The following GALNT13 variants were observed in gnomAD, a reference collection of about 807,000 sequenced individuals.
GALNT13 encodes UDP-GalNAc:polypeptide N-acetylgalactosaminyltransferase 13.
GALNT13 carries 28 observed loss-of-function variants against 64.2 expected under a neutral mutation model. The ratio of observed to expected loss-of-function variants is 0.44; its 90% CI spans 0.32 to 0.60. The LOEUF (loss-of-function observed/expected upper bound fraction) is 0.60. Among genes scored for constraint, GALNT13 ranks in the 20% least tolerant of loss-of-function variants. GALNT13 has a pLI of 0.05. For synonymous variants in GALNT13, 214 were observed against 224.6 expected (o/e 0.95, Z 0.42); for missense variants, 577 against 669.8 (o/e 0.86, Z 1.53).
At chr2:154,373,402 ACTGT>A (rs1488833003) in intron 9 of GALNT13, among the ~76,000 whole-genome samples, 6 of 152,180 alleles carry the variant, frequency 3.9e-5, no homozygotes, top group Non-Finnish European at 8.8e-5. Context: ...TTTGATTCTG[ACTGT>A]CCATGTCTTG....
At chr2:153,882,116 G>A (rs1189761411) in intron 1 of GALNT13, among the ~76,000 whole-genome samples, 1 of 150,710 alleles carries the variant, frequency 6.6e-6, no homozygotes, top group Admixed American at 6.7e-5. Context: ...GGGATTAAAA[G>A]TTATAAAACT....
chr2:153,082,919 C>T, the GALNT13 span, among the ~76,000 whole-genome samples: 4 of 151,480 alleles, frequency 2.6e-5, no homozygotes, highest in Non-Finnish European at 4.4e-5. Flanking sequence ...ACCTCCGCCT[C>T]GCAGGTTCAA....
At chr2:153,203,390 T>C in the GALNT13 span, among the ~76,000 whole-genome samples, 1 of 152,116 alleles carries the variant, frequency 6.6e-6, no homozygotes, top group African/African-American at 2.4e-5. Flanking sequence ...ATATAAAAAA[T>C]TGGCAGGCAA....
chr2:154,202,863 A>C (rs193183086), intron 4 of GALNT13, among the ~76,000 whole-genome samples: 41 of 152,256 alleles, frequency 2.7e-4, no homozygotes, highest in Middle Eastern at 3.4e-3. Context: ...GAAATTAATA[A>C]AAACACAGAA....
At chr2:154,075,411 T>G (rs1474838852) in intron 3 of GALNT13, among the ~76,000 whole-genome samples, 1 of 151,890 alleles carries the variant, frequency 6.6e-6, no homozygotes, top group Non-Finnish European at 1.5e-5. Context: ...GTATAGTTGA[T>G]TTTTATACTA....
chr2:153,231,179 G>T, the GALNT13 span, among the ~76,000 whole-genome samples: 1 of 152,176 alleles, frequency 6.6e-6, no homozygotes, highest in Non-Finnish European at 1.5e-5. Flanking sequence ...ATACAGGCTG[G>T]AATGGTGCCA....
chr2:153,453,705 T>A, the GALNT13 span, among the ~76,000 whole-genome samples: 38 of 152,214 alleles, frequency 2.5e-4, no homozygotes, highest in Non-Finnish European at 4.7e-4. Flanking sequence ...GAAAGCAGTT[T>A]GGAGACTTCC....
chr2:153,649,099 C>CT, the GALNT13 span, among the ~76,000 whole-genome samples: 1 of 151,920 alleles, frequency 6.6e-6, no homozygotes. Context: ...TGGTCCTGGA[C>CT]TTTTTTGGTT....
At chr2:153,171,978 A>C in the GALNT13 span, 1 of 152,212 alleles carries the variant, frequency 6.6e-6, no homozygotes, top group African/African-American at 2.4e-5. Context: ...TCATTTGCAC[A>C]GGTAGAAGAA....
At chr2:153,271,386 C>T in the GALNT13 span, among the ~76,000 whole-genome samples, 3 of 152,078 alleles carry the variant, frequency 2.0e-5, no homozygotes, top group Non-Finnish European at 4.4e-5. Context: ...ATCACAGCCT[C>T]AAATCTCCTT....
chr2:153,306,757 T>C, the GALNT13 span, among the ~76,000 whole-genome samples: 4 of 152,214 alleles, frequency 2.6e-5, no homozygotes, highest in African/African-American at 9.6e-5. Flanking sequence ...CTCTCCCTTT[T>C]TGTTTTTTCT....
At chr2:153,333,785 T>A in the GALNT13 span, among the ~76,000 whole-genome samples, 1 of 152,158 alleles carries the variant, frequency 6.6e-6, no homozygotes, top group Non-Finnish European at 1.5e-5. Flanking sequence ...ACCGCAAAAA[T>A]TATATTTATT....
At chr2:153,647,564 G>T in the GALNT13 span, among the ~76,000 whole-genome samples, 1 of 152,152 alleles carries the variant, frequency 6.6e-6, no homozygotes, top group African/African-American at 2.4e-5. Flanking sequence ...GAATGGTAAT[G>T]ACTAGGTTTT....
At chr2:153,899,294 T>C (rs1321617747) in intron 1 of GALNT13, among the ~76,000 whole-genome samples, 3 of 152,124 alleles carry the variant, frequency 2.0e-5, no homozygotes, top group Non-Finnish European at 2.9e-5. Context: ...ATTGAGCAAG[T>C]GATGTAATTA....
intron 3 of GALNT13, among the ~76,000 whole-genome samples, chr2:154,089,827 T>C (rs80291323): frequency 8.2e-5 from 12 of 146,734 alleles, no homozygotes; most frequent in African/African-American, 3.0e-4. Context: ...TTTTTTTTTT[T>C]GGTATAACCT....
At chr2:154,151,305 T>C (rs1260256824) in intron 4 of GALNT13, among the ~76,000 whole-genome samples, 1 of 152,230 alleles carries the variant, frequency 6.6e-6, no homozygotes, top group Non-Finnish European at 1.5e-5. Context: ...CAGTTTGTTA[T>C]AATTTCTGTT....
chr2:153,601,261 T>C, the GALNT13 span, among the ~76,000 whole-genome samples: 1 of 151,776 alleles, frequency 6.6e-6, no homozygotes, highest in Admixed American at 6.6e-5. Context: ...ATTGATGAGT[T>C]TTCCTTTCAT....
At chr2:154,168,345 A>G (rs1685150563) in intron 4 of GALNT13, among the ~76,000 whole-genome samples, 1 of 152,122 alleles carries the variant, frequency 6.6e-6, no homozygotes, top group Non-Finnish European at 1.5e-5. Flanking sequence ...GTTAGTCTTT[A>G]TCTATTAAAG....
At chr2:153,760,652 A>C in the GALNT13 span, among the ~76,000 whole-genome samples, 1 of 152,116 alleles carries the variant, frequency 6.6e-6, no homozygotes, top group African/African-American at 2.4e-5. Context: ...TTGTAGCCTA[A>C]GATGTAATCT....
Sources: gnomAD v4.1 joint callset for allele counts (sites outside exome capture counted in the v4.1 genomes callset) on GRCh38, gnomAD v4.1.1 for gene constraint, MANE v1.5 for transcripts, NCBI Gene and HGNC (gene_info 2026-07-23, HGNC 2026-07-21) for gene names.